GRB10: variants seen among roughly 807,000 people sequenced by gnomAD.
GRB10 encodes the protein growth factor receptor-bound protein 10.
A neutral mutation model predicts 80.9 loss-of-function variants in GRB10; 20 were observed. The ratio of observed to expected loss-of-function variants is 0.25; its 90% confidence interval spans 0.17 to 0.36. The LOEUF (loss-of-function observed/expected upper bound fraction) is 0.36. GRB10 is among the 10% of genes least tolerant of loss of function. GRB10 has a pLI of 1.00. For missense variants in GRB10, 548 were observed against 747.7 expected (o/e 0.73, Z 3.12); for synonymous variants, 291 against 291.5 (o/e 1.00, Z 0.02).
At chr7:50,615,478 G>A (rs1563164396) in intron 11 of GRB10, among the ~76,000 whole-genome samples, 1 of 152,188 alleles carries the variant, frequency 6.6e-6, no homozygotes. Flanking sequence ...TGGCCCAGGT[G>A]TCGGCAGCTG....
chr7:50,596,863 C>CA (rs2046750237), intron 17 of GRB10, among the ~76,000 whole-genome samples: 1 of 151,754 alleles, frequency 6.6e-6, no homozygotes, highest in African/African-American at 2.4e-5. Flanking sequence ...TAGAATAGCA[C>CA]AAAAAAGGCA....
chr7:50,755,304 T>C (rs1418071457), intron 3 of GRB10, among the ~76,000 whole-genome samples: 1 of 152,126 alleles, frequency 6.6e-6, no homozygotes, highest in Non-Finnish European at 1.5e-5. Flanking sequence ...AGAAGGTCCA[T>C]TCCCAGAAAG....
intron 4 of GRB10, chr7:50,711,083 T>C: frequency 1.6e-6 from 1 of 640,786 alleles, no homozygotes; most frequent in East Asian, 2.7e-5. Flanking sequence ...ATTCGAAATG[T>C]CTTCCACCTG....
chr7:50,616,386 T>C (rs751790511), intron 10 of GRB10, 39 bp from the exon 11 acceptor site: 2 of 1,574,534 alleles, frequency 1.3e-6, no homozygotes, highest in Non-Finnish European at 1.7e-6. Flanking sequence ...ATAATGCTAA[T>C]CTAAAATAAT....
chr7:50,693,065 A>G (rs1222407567), intron 5 of GRB10, among the ~76,000 whole-genome samples: 1 of 152,194 alleles, frequency 6.6e-6, no homozygotes, highest in Non-Finnish European at 1.5e-5. Flanking sequence ...CATGATGGGT[A>G]CATGCAAACG....
At chr7:50,608,873 G>C (rs928751485) in intron 13 of GRB10, among the ~76,000 whole-genome samples, 1 of 151,548 alleles carries the variant, frequency 6.6e-6, no homozygotes, top group Non-Finnish European at 1.5e-5. Flanking sequence ...GCTGAGGTGG[G>C]AAGATGGTTT....
Position 50,746,853 on chromosome 7 carries a change from G to A in GRB10, c.-47+9034C>T, listed in dbSNP as rs370511387. Among the ~76,000 whole-genome samples the A allele has an allele frequency of 5.0e-4, 76 of 152,110 alleles. No individual in the cohort carries two copies. The South Asian group carries it at 0.015, about 29-fold the overall frequency. Reference sequence around the variant, plus strand: ...CCTGCGTGAGCCATTCTGTGCTCTCGCCTCAATTCATGACCTCTTCCTGCC... The same window carrying A: ...CCTGCGTGAGCCATTCTGTGCTCTCACCTCAATTCATGACCTCTTCCTGCC... On this transcript the variant is annotated intron_variant, in intron 3 of 18. Transcript: ENST00000401949.
At chr7:50,716,620 G>A (rs534687930) in intron 4 of GRB10, among the ~76,000 whole-genome samples, 1 of 152,336 alleles carries the variant, frequency 6.6e-6, no homozygotes, top group Admixed American at 6.5e-5. Context: ...AAGGAGAGAA[G>A]TGGAAGATAT....
At chr7:50,690,835 T>C (rs1186862138) in intron 5 of GRB10, among the ~76,000 whole-genome samples, 1 of 152,202 alleles carries the variant, frequency 6.6e-6, no homozygotes, top group African/African-American at 2.4e-5. Context: ...GGAGTCCAAT[T>C]ATCTGCCAAA....
intron 7 of GRB10, among the ~76,000 whole-genome samples, chr7:50,654,022 GAGGCTCAAGGGCTGA>G (rs2058338223): frequency 2.0e-5 from 3 of 152,194 alleles, no homozygotes; most frequent in Admixed American, 1.3e-4. Context: ...ACAGTATGCT[GAGGCTCAAGGGCTGA>G]AGGCTCAGGA....
chr7:50,766,074 C>T (rs1409769111), intron 2 of GRB10, among the ~76,000 whole-genome samples: 1 of 152,236 alleles, frequency 6.6e-6, no homozygotes, highest in Admixed American at 6.5e-5. Flanking sequence ...TCACTCTCTA[C>T]AGACTTCTGG....
intron 7 of GRB10, among the ~76,000 whole-genome samples, chr7:50,660,300 T>C (rs2059122705): frequency 6.6e-6 from 1 of 150,826 alleles, no homozygotes; most frequent in Admixed American, 6.6e-5. Flanking sequence ...ACCACAGAAG[T>C]GGGGGGTGCA....
rs541367753 is a variant in GRB10 at position 50,688,489 on chromosome 7, G to A, written c.140-13831C>T. On this transcript the variant is annotated intron_variant, in intron 5 of 18. Coordinates refer to ENST00000401949, the MANE Select transcript of GRB10 (RefSeq NM_001350814.2). ...GAGAGAAACTTAAACACTCAAAAGAGGTTAAATCATTCCTGGCTAGGGGCA... is the reference window on the plus strand; with the variant it reads ...GAGAGAAACTTAAACACTCAAAAGAAGTTAAATCATTCCTGGCTAGGGGCA... Among the ~76,000 whole-genome samples the A allele has an allele frequency of 9.2e-5, 14 of 152,242 alleles. No homozygotes were observed. The South Asian group carries it at 1.5e-3, about 16-fold the overall frequency.
chr7:50,676,349 G>T (rs1054903123), intron 5 of GRB10, among the ~76,000 whole-genome samples: 133 of 140,878 alleles, frequency 9.4e-4, no homozygotes, highest in African/African-American at 3.0e-3. Context: ...GGGGGGGGGG[G>T]GTTGTAAGGA....
At chr7:50,610,084 G>A (rs1205607400) in intron 13 of GRB10, among the ~76,000 whole-genome samples, 1 of 152,136 alleles carries the variant, frequency 6.6e-6, no homozygotes, top group Non-Finnish European at 1.5e-5. Flanking sequence ...TCAGCCCTCA[G>A]ACCCTCTTAT....
rs557857329 is a variant in GRB10 at position 50,677,940 on chromosome 7, T to C, written c.140-3282A>G. ...TCAATGCCAGGCTTTTAATCCTGCT[T>C]TGGAAATAAAAACAGTGGTACAGTT... On this transcript the variant is annotated intron_variant, in intron 5 of 18. Transcript: ENST00000401949. 2.0e-5 allele frequency among the ~76,000 whole-genome samples: 3 copies of C among 152,356 alleles called. No homozygotes were observed. In the East Asian group the frequency reaches 5.8e-4, roughly 29 times the overall value.
At chr7:50,635,250 C>T (rs777476173) in intron 7 of GRB10, among the ~76,000 whole-genome samples, 8 of 152,132 alleles carry the variant, frequency 5.3e-5, no homozygotes, top group Non-Finnish European at 7.4e-5. Context: ...TGTACAAATA[C>T]GTGGAAACTA....
chr7:50,725,831 T>C (rs2153688277), intron 4 of GRB10, among the ~76,000 whole-genome samples: 1 of 152,264 alleles, frequency 6.6e-6, no homozygotes, highest in Admixed American at 6.5e-5. Context: ...GCTTATGAAA[T>C]CTTATGAAAA....
At position 50,615,057 on chromosome 7, in the gene GRB10, C is replaced by A. The variant is rs142912814; in HGVS notation, c.985-177G>T. On this transcript the variant is annotated intron_variant, in intron 11 of 18. Transcript: ENST00000401949. ...AAGTGCTAAACTAAAACCAAATTCA[C>A]CCAGTCTCACCCAAAACACCCACTT... Among the ~76,000 whole-genome samples the A allele has an allele frequency of 2.3e-3, 344 of 152,256 alleles. 2 individuals are homozygous for A. The highest frequency in any genetic ancestry group is 4.6e-3 in the South Asian group (22 of 4,814).
Sources: gnomAD v4.1 joint callset for allele counts (sites outside exome capture counted in the v4.1 genomes callset) on GRCh38, gnomAD v4.1.1 for gene constraint, MANE v1.5 for transcripts, NCBI Gene and HGNC (gene_info 2026-07-23, HGNC 2026-07-21) for gene names.